Variants in CHSY3 observed in about 807,000 individuals in gnomAD.
CHSY3 encodes the protein chondroitin sulfate synthase 3.
A neutral mutation model predicts 67.2 loss-of-function variants in CHSY3; 35 were observed. That is an observed-to-expected ratio of 0.52 (90% confidence interval 0.40 to 0.69). CHSY3 has a LOEUF of 0.69. CHSY3 is among the 30% of genes least tolerant of loss of function. The pLI is 0.00. For missense variants in CHSY3, 1,069 were observed against 1,138.5 expected (o/e 0.94, Z 0.88); for synonymous variants, 474 against 434.7 (o/e 1.09, Z -1.12).
chr5:130,122,681 G>C (rs368216226), intron 2 of CHSY3, among the ~76,000 whole-genome samples: 3 of 152,066 alleles, frequency 2.0e-5, no homozygotes, highest in Non-Finnish European at 4.4e-5. Flanking sequence ...AAATGAAAGC[G>C]GTTTTTGTTT....
At chr5:129,912,321 T>G (rs1760591507) in intron 2 of CHSY3, among the ~76,000 whole-genome samples, 1 of 152,196 alleles carries the variant, frequency 6.6e-6, no homozygotes, top group Non-Finnish European at 1.5e-5. Flanking sequence ...CCCCCTTTTT[T>G]GAATTTCTCT....
At chr5:129,951,711 A>G (rs987704905) in intron 2 of CHSY3, among the ~76,000 whole-genome samples, 3 of 152,318 alleles carry the variant, frequency 2.0e-5, no homozygotes, top group South Asian at 2.1e-4. Context: ...CTGAGAATTC[A>G]TGTACATAGA....
chr5:130,033,775 T>TA (rs11288252), intron 2 of CHSY3, among the ~76,000 whole-genome samples: 4 of 151,708 alleles, frequency 2.6e-5, no homozygotes, highest in Non-Finnish European at 1.5e-5. Flanking sequence ...ATATTTGCTT[T>TA]AAAAAAAACT....
intron 2 of CHSY3, among the ~76,000 whole-genome samples, chr5:130,034,157 G>T (rs1391597887): frequency 1.3e-5 from 2 of 151,490 alleles, no homozygotes; most frequent in South Asian, 2.1e-4. Context: ...TATTAATTGT[G>T]TCTCTTTCTA....
intron 2 of CHSY3, among the ~76,000 whole-genome samples, chr5:130,117,953 A>T (rs114288284): frequency 0.01 from 1,579 of 152,258 alleles, 35 homozygotes; most frequent in African/African-American, 0.035. Flanking sequence ...AGATTCCGTG[A>T]ATGGCTTAGC....
chr5:130,157,088 C>G (rs969673674), intron 2 of CHSY3, among the ~76,000 whole-genome samples: 3 of 152,198 alleles, frequency 2.0e-5, no homozygotes, highest in African/African-American at 7.2e-5. Context: ...GGTTAAGTAT[C>G]AGTCTGGACC....
intron 2 of CHSY3, among the ~76,000 whole-genome samples, chr5:130,018,147 T>C (rs530330783): frequency 6.6e-6 from 1 of 152,290 alleles, no homozygotes; most frequent in Non-Finnish European, 1.5e-5. Context: ...AGAATGTGAT[T>C]TCACATTCTT....
intron 2 of CHSY3, among the ~76,000 whole-genome samples, chr5:129,988,026 T>C (rs959668320): frequency 2.0e-5 from 3 of 152,186 alleles, no homozygotes; most frequent in African/African-American, 7.2e-5. Flanking sequence ...AATCTACAGA[T>C]ATGCTTGTGT....
At chr5:130,043,744 A>G (rs1446168621) in intron 2 of CHSY3, among the ~76,000 whole-genome samples, 1 of 121,656 alleles carries the variant, frequency 8.2e-6, no homozygotes, top group Non-Finnish European at 1.9e-5. Flanking sequence ...CATTGGAAAA[A>G]CACCTGACGT....
In CHSY3 at chr5:130,130,267, G is replaced by C. The variant is rs577094106; in HGVS notation, c.1087-53962G>C. 2.5e-4 allele frequency among the ~76,000 whole-genome samples: 38 copies of C among 152,122 alleles called. 1 individual carries two copies. In the East Asian group the frequency reaches 7.4e-3, roughly 29 times the overall value. The stretch of plus-strand genomic sequence containing the variant: ...TCAGATGTACACACAATTAAGGCAA[G>C]ATTTTTTATAGTTTATGCATTTCTG... On this transcript the variant is annotated intron_variant, in intron 2 of 2. Transcript: ENST00000305031.
At chr5:130,173,540 C>T (rs374207695) in intron 2 of CHSY3, among the ~76,000 whole-genome samples, 6 of 151,972 alleles carry the variant, frequency 3.9e-5, no homozygotes, top group African/African-American at 1.2e-4. Flanking sequence ...AATTTTATCA[C>T]GTTGTATAGT....
intron 2 of CHSY3, among the ~76,000 whole-genome samples, chr5:129,942,666 G>T (rs1412499368): frequency 6.6e-6 from 1 of 152,066 alleles, no homozygotes; most frequent in Non-Finnish European, 1.5e-5. Flanking sequence ...CTTAGGGGAG[G>T]TTACCTAATA....
At chr5:130,045,395 A>G (rs1239092382) in intron 2 of CHSY3, among the ~76,000 whole-genome samples, 1 of 152,066 alleles carries the variant, frequency 6.6e-6, no homozygotes, top group Non-Finnish European at 1.5e-5. Context: ...GATCATAGAC[A>G]TGGGCTTCTG....
At chr5:129,945,743 A>C (rs1461030790) in intron 2 of CHSY3, among the ~76,000 whole-genome samples, 2 of 152,140 alleles carry the variant, frequency 1.3e-5, no homozygotes, top group African/African-American at 2.4e-5. Context: ...AATACCTTGC[A>C]GATGGTAGGG....
At position 130,053,612 on chromosome 5, in the gene CHSY3, G is replaced by A. The variant is rs141663563; in HGVS notation, c.1087-130617G>A. On this transcript the variant is annotated intron_variant, in intron 2 of 2. Transcript: ENST00000305031. ...TATGTGATACCCTTATCTTTATTAC[G>A]TCACATGTGTCTTACAGTGGCTCCA... Among the ~76,000 whole-genome samples, 160 of 152,108 alleles carry A rather than the reference G, an allele frequency of 1.1e-3. 4 individuals are homozygous for A. In the South Asian group the frequency reaches 0.017, roughly 16 times the overall value.
At chr5:130,132,652 A>C (rs1768521277) in intron 2 of CHSY3, among the ~76,000 whole-genome samples, 1 of 152,176 alleles carries the variant, frequency 6.6e-6, no homozygotes, top group South Asian at 2.1e-4. Context: ...ATTGATACAG[A>C]TAGCCCAGTG....
chr5:130,176,362 G>T (rs1351315506), intron 2 of CHSY3, among the ~76,000 whole-genome samples: 1 of 152,206 alleles, frequency 6.6e-6, no homozygotes. Flanking sequence ...ACAGAGGCTG[G>T]AGAGGATGTG....
chr5:130,184,666 G>C lies in CHSY3; in HGVS notation c.1524G>C (p.Glu508Asp), dbSNP rs1405094905. The change falls in exon 3 of 3, where the codon GAG (glutamate) becomes GAC (aspartate). Residue 508 changes from glutamate (E) to aspartate (D), a missense_variant. Glu to Asp is a conservative substitution (Grantham distance 45). Transcript: ENST00000305031. ...TACAGGTGATGGAGATGATCAATGA[G>C]AATGCCAAGAGCAGAGGACGGCTCA... ...TVLQVMEMIN[E>D]NAKSRGRLID... 2.5e-6 allele frequency: 4 copies of C among 1,606,512 alleles called. No individual in the cohort carries two copies. The South Asian group carries it at 3.3e-5, about 13-fold the overall frequency.
intron 2 of CHSY3, among the ~76,000 whole-genome samples, chr5:129,942,099 G>T (rs1252872975): frequency 6.6e-6 from 1 of 152,128 alleles, no homozygotes; most frequent in African/African-American, 2.4e-5. Context: ...GGACTCTGGG[G>T]AGGATCATAA....
Sources: allele counts gnomAD v4.1 joint callset (sites outside exome capture counted in the v4.1 genomes callset), GRCh38; gene constraint gnomAD v4.1.1; transcripts MANE v1.5; gene names NCBI Gene and HGNC (gene_info 2026-07-23, HGNC 2026-07-21).